Variants in SOX6 observed in about 807,000 individuals in gnomAD.
The protein encoded by SOX6 is transcription factor SOX-6.
SOX6 carries 11 observed loss-of-function variants against 97.8 expected under a neutral mutation model. The observed-to-expected ratio is 0.11, with a 90% CI of 0.07 to 0.19. SOX6 has a LOEUF of 0.19. SOX6 is among the 10% of genes least tolerant of loss of function. The pLI is 1.00. For synonymous variants in SOX6, 360 were observed against 371.4 expected, an observed-to-expected ratio of 0.97 and a Z score of 0.35; for missense variants, 810 against 1,039.5, an observed-to-expected ratio of 0.78 and a Z score of 3.04.
At chr11:16,221,563 C>A (rs1411355234) in intron 4 of SOX6, among the ~76,000 whole-genome samples, 2 of 152,004 alleles carry the variant, frequency 1.3e-5, no homozygotes, top group African/African-American at 4.8e-5. Context: ...TTTGAAATAA[C>A]AACTAAGAAA....
intron 1 of SOX6, among the ~76,000 whole-genome samples, chr11:16,388,912 A>G (rs1858077851): frequency 6.6e-6 from 1 of 152,172 alleles, no homozygotes. Context: ...ATCTTTTGCC[A>G]AATTTGGGAA....
intron 4 of SOX6, among the ~76,000 whole-genome samples, chr11:16,524,313 G>C (rs1283322203): frequency 2.0e-5 from 3 of 151,292 alleles, no homozygotes; most frequent in Non-Finnish European, 4.4e-5. Flanking sequence ...GGGATGCAAG[G>C]CTGGTTCAAT....
At chr11:15,974,378 C>T (rs370358092) in intron 15 of SOX6, among the ~76,000 whole-genome samples, 5 of 85,684 alleles carry the variant, frequency 5.8e-5, no homozygotes, top group South Asian at 5.2e-4. Context: ...TTAGCTCTCT[C>T]TTTTTTTTTT....
intron 6 of SOX6, among the ~76,000 whole-genome samples, chr11:16,175,166 A>C (rs924892034): frequency 2.6e-5 from 4 of 151,926 alleles, no homozygotes; most frequent in African/African-American, 9.7e-5. Flanking sequence ...CTAAATATGC[A>C]TGTGTGTATA....
chr11:16,537,639 A>T (rs910456358), intron 4 of SOX6, among the ~76,000 whole-genome samples: 7 of 152,344 alleles, frequency 4.6e-5, no homozygotes, highest in African/African-American at 1.4e-4. Context: ...AAATGACCTG[A>T]TGGAGCTGAA....
At chr11:16,577,731 G>C (rs1187425674) in intron 4 of SOX6, among the ~76,000 whole-genome samples, 1 of 152,052 alleles carries the variant, frequency 6.6e-6, no homozygotes, top group Non-Finnish European at 1.5e-5. Context: ...ATCGTATTTG[G>C]AGAAATACTG....
At chr11:15,980,678 C>T (rs536355905) in intron 15 of SOX6, among the ~76,000 whole-genome samples, 21 of 152,072 alleles carry the variant, frequency 1.4e-4, no homozygotes, top group Admixed American at 3.9e-4. Context: ...TCATGCTCTC[C>T]TCTATGCTAA....
intron 6 of SOX6, among the ~76,000 whole-genome samples, chr11:16,172,863 A>C (rs1304240127): frequency 1.3e-5 from 2 of 151,990 alleles, no homozygotes; most frequent in Non-Finnish European, 2.9e-5. Context: ...ACTTTCTGTC[A>C]ACTAATCTAA....
chr11:16,416,024 TACTC>T (rs1858918782), intron 1 of SOX6, among the ~76,000 whole-genome samples: 1 of 152,182 alleles, frequency 6.6e-6, no homozygotes, highest in Non-Finnish European at 1.5e-5. Context: ...AGTATACACT[TACTC>T]TGTTGCCTAC....
chr11:16,022,390 CCT>C (rs751154408), intron 12 of SOX6, among the ~76,000 whole-genome samples: 50 of 141,976 alleles, frequency 3.5e-4, no homozygotes, highest in Non-Finnish European at 3.4e-4. Flanking sequence ...TCCCTCCCTT[CCT>C]CTCTCTCTCT....
At chr11:16,512,796 C>A (rs1010305333) in intron 4 of SOX6, among the ~76,000 whole-genome samples, 27 of 152,226 alleles carry the variant, frequency 1.8e-4, no homozygotes, top group African/African-American at 6.5e-4. Flanking sequence ...ATGTAAAAAA[C>A]TCAAGTAAAT....
intron 4 of SOX6, among the ~76,000 whole-genome samples, chr11:16,493,278 G>A (rs1398673038): frequency 4.6e-5 from 7 of 152,082 alleles, no homozygotes; most frequent in South Asian, 2.1e-4. Flanking sequence ...ACTGCTACAC[G>A]AAATAACAAA....
chr11:15,988,596 C>T (rs924606375), intron 14 of SOX6, among the ~76,000 whole-genome samples: 3 of 152,206 alleles, frequency 2.0e-5, no homozygotes, highest in Non-Finnish European at 2.9e-5. Flanking sequence ...ACTGTAGGGT[C>T]TATGAGTACT....
intron 12 of SOX6, among the ~76,000 whole-genome samples, chr11:16,044,958 G>GTCTA (rs889477462): frequency 7.2e-6 from 1 of 139,630 alleles, no homozygotes; most frequent in African/African-American, 2.8e-5. Flanking sequence ...CTATCTATCT[G>GTCTA]TCTATCTGTC....
intron 4 of SOX6, among the ~76,000 whole-genome samples, chr11:16,551,776 G>C (rs558100972): frequency 8.0e-4 from 121 of 151,832 alleles, no homozygotes; most frequent in Non-Finnish European, 1.5e-3. Context: ...GCTAATTTTT[G>C]TATTTTTTTA....
At chr11:16,543,667 A>G (rs1337604055) in intron 4 of SOX6, among the ~76,000 whole-genome samples, 2 of 152,180 alleles carry the variant, frequency 1.3e-5, no homozygotes, top group Non-Finnish European at 2.9e-5. Flanking sequence ...AAACATACAA[A>G]TGGCCAGCAA....
chr11:16,314,233 A>G (rs1023130064), intron 3 of SOX6: 1 of 152,108 alleles, frequency 6.6e-6, no homozygotes, highest in African/African-American at 2.4e-5. Flanking sequence ...TTTTTAATTT[A>G]GAACCTGAAC....
chr11:16,386,904 C>G (rs995264927), intron 1 of SOX6, among the ~76,000 whole-genome samples: 2 of 152,118 alleles, frequency 1.3e-5, no homozygotes, highest in African/African-American at 4.8e-5. Flanking sequence ...CCCATATATA[C>G]TTGGTACTCA....
intron 6 of SOX6, among the ~76,000 whole-genome samples, chr11:16,146,362 C>G (rs1388819450): frequency 6.6e-6 from 1 of 152,056 alleles, no homozygotes; most frequent in Non-Finnish European, 1.5e-5. Context: ...CAAAATGGAT[C>G]AAAGACTTAA....
Sources: allele counts gnomAD v4.1 joint callset (sites outside exome capture counted in the v4.1 genomes callset), GRCh38; gene constraint gnomAD v4.1.1; transcripts MANE v1.5; gene names NCBI Gene and HGNC (gene_info 2026-07-23, HGNC 2026-07-21).